Variants in CPPED1 observed in about 807,000 individuals in gnomAD.
The protein encoded by CPPED1 is calcineurin like phosphoesterase domain containing 1, also known as serine/threonine-protein phosphatase CPPED1.
CPPED1 carries 28 observed loss-of-function variants against 28.0 expected under a neutral mutation model. The ratio of observed to expected loss-of-function variants is 1.00; its 90% CI spans 0.74 to 1.37. The LOEUF (loss-of-function observed/expected upper bound fraction) is 1.37, where lower values mean the gene tolerates loss of function less well. Ranked by LOEUF, CPPED1 falls within the 40% of genes most tolerant of loss-of-function variation. The pLI, the probability that CPPED1 is intolerant of heterozygous loss-of-function variation, is 0.00. For synonymous variants in CPPED1, 198 were observed against 180.2 expected (o/e 1.10, Z -0.79); for missense variants, 504 against 416.5 (o/e 1.21, Z -1.83).
At chr16:12,722,890 T>C (rs1282327554) in intron 2 of CPPED1, among the ~76,000 whole-genome samples, 1 of 152,180 alleles carries the variant, frequency 6.6e-6, no homozygotes, top group East Asian at 1.9e-4. Flanking sequence ...ACAATAAAGA[T>C]GCTCAGTAGA....
intron 2 of CPPED1, among the ~76,000 whole-genome samples, chr16:12,728,182 T>C (rs1344167): frequency 0.79 from 120,599 of 152,010 alleles, 47,944 homozygotes; most frequent in Admixed American, 0.86. Flanking sequence ...AAAACCTAAC[T>C]GCTATTTATA....
intron 2 of CPPED1, among the ~76,000 whole-genome samples, chr16:12,737,173 G>A (rs1201773789): frequency 6.6e-6 from 1 of 152,100 alleles, no homozygotes; most frequent in African/African-American, 2.4e-5. Flanking sequence ...CTGGGCGAGA[G>A]AGTGAGACCA....
chr16:12,691,336 C>T (rs1026961693), intron 3 of CPPED1, among the ~76,000 whole-genome samples: 6 of 152,104 alleles, frequency 3.9e-5, no homozygotes, highest in Non-Finnish European at 5.9e-5. Flanking sequence ...AGGCTAGTGG[C>T]GTAATCTTGG....
intron 2 of CPPED1, among the ~76,000 whole-genome samples, chr16:12,738,305 A>G (rs999149908): frequency 3.3e-5 from 5 of 152,210 alleles, no homozygotes; most frequent in African/African-American, 1.2e-4. Flanking sequence ...TTTAAAAATT[A>G]GGAAGGAAAT....
chr16:12,693,925 C>T (rs1219972433), intron 3 of CPPED1, among the ~76,000 whole-genome samples: 5 of 152,108 alleles, frequency 3.3e-5, no homozygotes, highest in Admixed American at 6.5e-5. Context: ...TTTACTTGGC[C>T]GGCTGTGTTG....
chr16:12,800,127 A>G (rs1318637853), intron 1 of CPPED1, among the ~76,000 whole-genome samples: 2 of 152,172 alleles, frequency 1.3e-5, no homozygotes, highest in African/African-American at 4.8e-5. Flanking sequence ...AGGCACCTCC[A>G]GCTACAGCAA....
intron 2 of CPPED1, among the ~76,000 whole-genome samples, chr16:12,777,838 T>G (rs528421467): frequency 6.6e-6 from 1 of 151,986 alleles, no homozygotes; most frequent in Non-Finnish European, 1.5e-5. Flanking sequence ...ATAATAGATA[T>G]TTATAAGAAA....
At chr16:12,754,701 T>C (rs773816214) in intron 2 of CPPED1, among the ~76,000 whole-genome samples, 1 of 151,688 alleles carries the variant, frequency 6.6e-6, no homozygotes, top group Non-Finnish European at 1.5e-5. Flanking sequence ...CTGAAAAAAA[T>C]GTTAAAGTGT....
chr16:12,743,839 A>G (rs1338698749), intron 2 of CPPED1, among the ~76,000 whole-genome samples: 1 of 152,134 alleles, frequency 6.6e-6, no homozygotes, highest in African/African-American at 2.4e-5. Context: ...CCCCATCTCT[A>G]CAAAAAAATA....
At chr16:12,720,205 T>C (rs1459236918) in intron 2 of CPPED1, 1 of 153,692 alleles carries the variant, frequency 6.5e-6, no homozygotes, top group Admixed American at 6.6e-5. Flanking sequence ...CCCCAGGAGA[T>C]GGCACCCCAG....
chr16:12,695,403 C>T lies in CPPED1; in HGVS notation c.715+9221G>A, dbSNP rs188502496. ...CCTCAGCCTTCTGAGTAGCTGAGAC[C>T]ACAGGTGCATACTATTATGCCTGGT... On this transcript the variant is annotated intron_variant, in intron 3 of 3. Transcript: ENST00000381774. 2.4e-4 allele frequency among the ~76,000 whole-genome samples: 36 copies of T among 151,356 alleles called. No homozygotes were observed. In the East Asian group the frequency reaches 6.4e-3, roughly 27 times the overall value.
intron 2 of CPPED1, among the ~76,000 whole-genome samples, chr16:12,735,361 G>C (rs984304281): frequency 2.0e-5 from 3 of 152,102 alleles, no homozygotes; most frequent in African/African-American, 7.2e-5. Context: ...GCATGATCTC[G>C]GCTCACTGCA....
intron 2 of CPPED1, among the ~76,000 whole-genome samples, chr16:12,727,786 T>C (rs2080177383): frequency 6.6e-6 from 1 of 152,182 alleles, no homozygotes; most frequent in African/African-American, 2.4e-5. Context: ...GAACACACAG[T>C]TCGTAAATTA....
chr16:12,737,116 G>A (rs2080230662), intron 2 of CPPED1, among the ~76,000 whole-genome samples: 1 of 152,156 alleles, frequency 6.6e-6, no homozygotes, highest in South Asian at 2.1e-4. Context: ...CTTGAACCCG[G>A]GAGGTGGAGG....
chr16:12,799,456 G>C (rs1384566186), intron 1 of CPPED1, among the ~76,000 whole-genome samples: 3 of 152,112 alleles, frequency 2.0e-5, no homozygotes, highest in South Asian at 4.1e-4. Flanking sequence ...ATGTTGGCCA[G>C]ACTGGTCTTA....
At chr16:12,677,507 T>C (rs752706274) in intron 3 of CPPED1, among the ~76,000 whole-genome samples, 54 of 152,280 alleles carry the variant, frequency 3.5e-4, no homozygotes, top group Non-Finnish European at 6.6e-4. Flanking sequence ...GTGGATGTGG[T>C]GGTGGGCGTC....
At position 12,709,378 on chromosome 16, in the gene CPPED1, G is replaced by T. The variant is rs563159876; in HGVS notation, c.290-4329C>A. 1.3e-5 allele frequency among the ~76,000 whole-genome samples: 2 copies of T among 152,250 alleles called. No individual in the cohort carries two copies. Among genetic ancestry groups the T allele is most frequent in the East Asian group, 3.9e-4 (2 of 5,180 alleles). On this transcript the variant is annotated intron_variant, in intron 2 of 3. Transcript: ENST00000381774. The surrounding 1 kb of genome is among the most constrained non-coding windows in gnomAD (Gnocchi z 4.4). ...CTGAGAAGTGGGTGCCAAGAGTACA[G>T]GGACCCCAATGTCAGCACACACCTG... is the stretch of plus-strand genomic sequence containing the variant.
At chr16:12,716,872 A>G (rs2080109670) in intron 2 of CPPED1, among the ~76,000 whole-genome samples, 1 of 152,186 alleles carries the variant, frequency 6.6e-6, no homozygotes, top group African/African-American at 2.4e-5. Flanking sequence ...ACAGGCAATG[A>G]CCTTGTGGTG....
chr16:12,795,437 G>A (rs544428631), intron 1 of CPPED1, among the ~76,000 whole-genome samples: 11 of 152,210 alleles, frequency 7.2e-5, no homozygotes, highest in African/African-American at 7.2e-5. Flanking sequence ...CCTCCCAGGC[G>A]CATGCAGTTC....
Sources: gnomAD v4.1 joint callset for allele counts (sites outside exome capture counted in the v4.1 genomes callset) on GRCh38, gnomAD v4.1.1 for gene constraint, Gnocchi (gnomAD v3.1) non-coding constraint, MANE v1.5 for transcripts, NCBI Gene and HGNC (gene_info 2026-07-23, HGNC 2026-07-21) for gene names.